PCNX1: variants seen among roughly 807,000 people sequenced by gnomAD.
PCNX1 encodes the protein pecanex-like protein 1.
A neutral mutation model predicts 242.2 loss-of-function variants in PCNX1; 78 were observed. The observed-to-expected ratio is 0.32, with a 90% CI of 0.27 to 0.39. The LOEUF is 0.39. PCNX1 is among the 10% of genes least tolerant of loss of function. The probability of loss-of-function intolerance (pLI) is 1.00; values close to 1 mark genes in which losing one functional copy is unlikely to be tolerated. For synonymous variants in PCNX1, 1,024 were observed against 1,032.9 expected (o/e 0.99, Z 0.17); for missense variants, 2,581 against 2,856.5 (o/e 0.90, Z 2.20).
intron 30 of PCNX1, among the ~76,000 whole-genome samples, chr14:71,096,610 T>C (rs2062289541): frequency 6.6e-6 from 1 of 152,198 alleles, no homozygotes. Flanking sequence ...TAGCACATCA[T>C]ATGGCATCTG....
At chr14:71,086,864 T>A (rs1018337176) in intron 28 of PCNX1, among the ~76,000 whole-genome samples, 1 of 152,306 alleles carries the variant, frequency 6.6e-6, no homozygotes, top group South Asian at 2.1e-4. Flanking sequence ...GTTTCCTGTC[T>A]CTCAGGGACC....
At chr14:71,102,968 G>A (rs2062504635) in intron 31 of PCNX1, among the ~76,000 whole-genome samples, 1 of 151,816 alleles carries the variant, frequency 6.6e-6, no homozygotes, top group Non-Finnish European at 1.5e-5. Flanking sequence ...TGCTTTAAGA[G>A]GCTTAATTTC....
At chr14:71,050,821 T>C in intron 23 of PCNX1, 61 bp downstream of exon 23, 1 of 1,448,410 alleles carries the variant, frequency 6.9e-7, no homozygotes, top group Non-Finnish European at 9.6e-7. Context: ...AGAATGTTGG[T>C]TTATAGGCAT....
At chr14:70,947,311 G>A (rs1219422111) in intron 2 of PCNX1, among the ~76,000 whole-genome samples, 188 bp downstream of exon 2, 1 of 152,136 alleles carries the variant, frequency 6.6e-6, no homozygotes, top group Non-Finnish European at 1.5e-5. Flanking sequence ...TGGTGTGTTT[G>A]GGGGATTAAA....
chr14:71,003,346 C>T (rs1383883255), intron 8 of PCNX1, among the ~76,000 whole-genome samples: 1 of 152,056 alleles, frequency 6.6e-6, no homozygotes, highest in Non-Finnish European at 1.5e-5. Context: ...CCGCCTCGGC[C>T]CCCCAAAGCG....
At chr14:71,082,102 G>C (rs1039935647) in intron 28 of PCNX1, among the ~76,000 whole-genome samples, 1 of 151,982 alleles carries the variant, frequency 6.6e-6, no homozygotes, top group Non-Finnish European at 1.5e-5. Flanking sequence ...TTTCTGCCTT[G>C]ATTTCATTAT....
chr14:71,049,500 C>T (rs1291039365), intron 22 of PCNX1, among the ~76,000 whole-genome samples: 2 of 152,068 alleles, frequency 1.3e-5, no homozygotes, highest in African/African-American at 2.4e-5. Context: ...CATATTGTTA[C>T]ATATTGTTCT....
chr14:71,109,322 AT>A lies in PCNX1; in HGVS notation c.6745-120del, dbSNP rs905962206. Reference sequence around the variant, plus strand: ...AAGAATTCAAGATGTAGCTCTTAAGATTTTTTTTTTATTCCATTATAGGAAT... The same window carrying A: ...AAGAATTCAAGATGTAGCTCTTAAGATTTTTTTTTATTCCATTATAGGAAT... On this transcript the variant is annotated intron_variant, in intron 34 of 35. Transcript: ENST00000304743. 3.1e-3 allele frequency: 2,587 copies of A among 823,886 alleles called. 1 individual carries two copies. Among genetic ancestry groups the A allele is most frequent in the Middle Eastern group, 4.9e-3 (13 of 2,638 alleles). 51.0% of individuals were successfully genotyped at this position (823,886 alleles called of 1,614,324 possible).
chr14:70,935,482 G>A (rs1160874842), intron 1 of PCNX1, among the ~76,000 whole-genome samples: 3 of 152,184 alleles, frequency 2.0e-5, no homozygotes, highest in Non-Finnish European at 4.4e-5. Context: ...TAATAGTAGG[G>A]GGAGAGAGTT....
Position 71,037,656 on chromosome 14 carries a change from A to G in PCNX1, c.3867+1499A>G, listed in dbSNP as rs1049555686. Among the ~76,000 whole-genome samples the G allele has an allele frequency of 3.2e-4, 49 of 151,744 alleles. No individual in the cohort carries two copies. In the East Asian group the frequency reaches 9.1e-3, roughly 28 times the overall value. On this transcript the variant is annotated intron_variant, in intron 19 of 35. Transcript: ENST00000304743. ...GATGAAGCCCACTTGATCATGGTGG[A>G]TAAGCTTTTTGATGTGCTGCTGGAT...
chr14:71,039,237 A>G (rs1046280095), intron 19 of PCNX1, among the ~76,000 whole-genome samples: 1 of 151,890 alleles, frequency 6.6e-6, no homozygotes, highest in Non-Finnish European at 1.5e-5. Flanking sequence ...AAAAAAAATT[A>G]AAAAAACAAA....
chr14:71,102,261 T>A (rs780286523), intron 31 of PCNX1, 41 bp downstream of exon 31: 2 of 1,484,098 alleles, frequency 1.3e-6, no homozygotes, highest in Non-Finnish European at 1.9e-6. Context: ...AACATAGAAG[T>A]TGAATAACTT....
chr14:70,949,390 T>G (rs1326086478), intron 2 of PCNX1, among the ~76,000 whole-genome samples: 1 of 83,538 alleles, frequency 1.2e-5, no homozygotes, highest in African/African-American at 4.2e-5. Flanking sequence ...TGTATATACA[T>G]ATGTGTGTGT....
chr14:71,005,998 C>A (rs1009239496), intron 8 of PCNX1, among the ~76,000 whole-genome samples: 2 of 150,782 alleles, frequency 1.3e-5, no homozygotes, highest in African/African-American at 4.9e-5. Context: ...ACACAGTTCG[C>A]TGCAGCCGCA....
intron 30 of PCNX1, among the ~76,000 whole-genome samples, chr14:71,099,989 C>CA (rs1360634121): frequency 6.6e-6 from 1 of 152,022 alleles, no homozygotes; most frequent in Non-Finnish European, 1.5e-5. Context: ...TTGAAGAGAC[C>CA]AGACAAATGG....
At chr14:71,025,992 T>G in intron 13 of PCNX1, 125 bp from the exon 14 acceptor site, 3 of 500,788 alleles carry the variant, frequency 6.0e-6, no homozygotes, top group Non-Finnish European at 1.1e-5. Flanking sequence ...TTTCTGTGAT[T>G]GTCAGAAATC....
At chr14:70,976,559 G>A (rs1230056152) in intron 5 of PCNX1, among the ~76,000 whole-genome samples, 2 of 151,984 alleles carry the variant, frequency 1.3e-5, no homozygotes, top group Non-Finnish European at 2.9e-5. Flanking sequence ...ATTTTTAGTA[G>A]AGACGGAGTT....
intron 9 of PCNX1, among the ~76,000 whole-genome samples, chr14:71,010,992 G>C (rs1045353895): frequency 2.0e-5 from 3 of 152,062 alleles, no homozygotes; most frequent in African/African-American, 7.2e-5. Context: ...AGGAGGGAGG[G>C]ATAGAAATGC....
intron 2 of PCNX1, among the ~76,000 whole-genome samples, chr14:70,954,487 C>G (rs1209504805): frequency 1.3e-5 from 2 of 152,196 alleles, no homozygotes; most frequent in Non-Finnish European, 2.9e-5. Context: ...GGTCCCTCTG[C>G]TGAGAATTTG....
Sources: gnomAD v4.1 joint callset for allele counts (sites outside exome capture counted in the v4.1 genomes callset) on GRCh38, gnomAD v4.1.1 for gene constraint, MANE v1.5 for transcripts, NCBI Gene and HGNC (gene_info 2026-07-23, HGNC 2026-07-21) for gene names.